The following AP2B1 variants were observed in gnomAD, a reference collection of about 807,000 sequenced individuals.
AP2B1 encodes adaptor related protein complex 2 subunit beta 1.
A neutral mutation model predicts 102.0 loss-of-function variants in AP2B1; 23 were observed. That is an observed-to-expected ratio of 0.23 (90% CI 0.16 to 0.32). The LOEUF is 0.32. Ranked by LOEUF, AP2B1 falls within the 10% of genes least tolerant of loss-of-function variation. The pLI is 1.00. For missense variants in AP2B1, 541 were observed against 1,157.4 expected (o/e 0.47, Z 7.73); for synonymous variants, 381 against 421.2 (o/e 0.90, Z 1.17).
At chr17:35,662,660 T>C (rs901660663) in intron 14 of AP2B1, among the ~76,000 whole-genome samples, 1 of 151,842 alleles carries the variant, frequency 6.6e-6, no homozygotes, top group African/African-American at 2.4e-5. Context: ...CTGATGCCCA[T>C]GTGTATAACT....
chr17:35,607,774 CTTT>C (rs35128360), intron 4 of AP2B1: 39 of 123,538 alleles, frequency 3.2e-4, no homozygotes, highest in South Asian at 7.9e-4. Context: ...TACAGCTCCT[CTTT>C]TTTTTTTTTT....
intron 10 of AP2B1, among the ~76,000 whole-genome samples, chr17:35,637,934 CCT>C (rs1262812912): frequency 6.6e-6 from 1 of 152,126 alleles, no homozygotes; most frequent in East Asian, 1.9e-4. Flanking sequence ...ATCCCCCCCA[CCT>C]CGCCCTCCCA....
At chr17:35,698,050 C>T (rs2076174095) in intron 18 of AP2B1, among the ~76,000 whole-genome samples, 1 of 152,172 alleles carries the variant, frequency 6.6e-6, no homozygotes, top group African/African-American at 2.4e-5. Flanking sequence ...GTATTCAAAA[C>T]AGTCTTTTGC....
At chr17:35,618,451 G>A (rs753584217) in intron 5 of AP2B1, among the ~76,000 whole-genome samples, 1 of 152,176 alleles carries the variant, frequency 6.6e-6, no homozygotes, top group Non-Finnish European at 1.5e-5. Context: ...AAAAACTGAA[G>A]CATAAATCTG....
intron 20 of AP2B1, among the ~76,000 whole-genome samples, chr17:35,711,705 T>G (rs2076455442): frequency 6.6e-6 from 1 of 152,204 alleles, no homozygotes; most frequent in Admixed American, 6.5e-5. Flanking sequence ...TCTCCTGACC[T>G]TGTGATCCGC....
chr17:35,657,486 C>T, intron 13 of AP2B1, 113 bp from the exon 14 acceptor site: 1 of 695,188 alleles, frequency 1.4e-6, no homozygotes, highest in Non-Finnish European at 2.2e-6. Context: ...AGAGTTTTTC[C>T]CCCTTGTATT....
Position 35,710,215 on chromosome 17 carries a change from C to T in AP2B1, c.2540-19C>T, listed in dbSNP as rs1555586829. ...ACAGCTTATGCACATCCATCCTTCC[C>T]CTCTGCTTTCCCATACAGAGCGCCA... On this transcript the variant is annotated intron_variant, in intron 19 of 21. Transcript: ENST00000610402. 1.9e-6 allele frequency: 3 copies of T among 1,569,166 alleles called. No homozygotes were observed. Among genetic ancestry groups the T allele is most frequent in the Admixed American group, 1.7e-5 (1 of 59,898 alleles).
At chr17:35,619,026 G>T (rs1435385080) in intron 5 of AP2B1, among the ~76,000 whole-genome samples, 1 of 152,008 alleles carries the variant, frequency 6.6e-6, no homozygotes, top group Non-Finnish European at 1.5e-5. Context: ...CCTTCCCTTG[G>T]TTGAAGTTCA....
intron 18 of AP2B1, among the ~76,000 whole-genome samples, chr17:35,691,433 G>A (rs951631200): frequency 1.4e-4 from 21 of 152,178 alleles, no homozygotes; most frequent in Admixed American, 9.8e-4. Flanking sequence ...GCTTCCAAGC[G>A]GAAGACCTTT....
intron 14 of AP2B1, among the ~76,000 whole-genome samples, chr17:35,670,234 C>A (rs1478901042): frequency 6.6e-6 from 1 of 152,166 alleles, no homozygotes; most frequent in Non-Finnish European, 1.5e-5. Context: ...GCATGCTTCC[C>A]CACTTCCTCC....
chr17:35,612,587 C>G (rs1011273710), intron 5 of AP2B1, among the ~76,000 whole-genome samples: 1 of 152,172 alleles, frequency 6.6e-6, no homozygotes, highest in African/African-American at 2.4e-5. Flanking sequence ...CTTTTACTTA[C>G]AATGTTTCAC....
At chr17:35,650,003 G>A (rs1314726340) in intron 12 of AP2B1, among the ~76,000 whole-genome samples, 2 of 151,866 alleles carry the variant, frequency 1.3e-5, no homozygotes, top group Non-Finnish European at 2.9e-5. Flanking sequence ...AGGCTGGAGT[G>A]CAGTAGCGTG....
In AP2B1 at chr17:35,710,754, G is replaced by C. The variant is rs182191046; in HGVS notation, c.2626+434G>C. Among the ~76,000 whole-genome samples, 474 of 152,260 alleles carry C rather than the reference G, an allele frequency of 3.1e-3. 2 individuals are homozygous for C. Among genetic ancestry groups the C allele is most frequent in the African/African-American group, 0.011 (448 of 41,546 alleles). ...GTACTTAGAACCCTGTGTTTATAATGAAATAATGTATCATCATTAGTGAAA... is the reference window on the plus strand; with the variant it reads ...GTACTTAGAACCCTGTGTTTATAATCAAATAATGTATCATCATTAGTGAAA... On this transcript the variant is annotated intron_variant, in intron 20 of 21. Coordinates refer to ENST00000610402, the MANE Select transcript of AP2B1 (RefSeq NM_001030006.2).
Position 35,608,207 on chromosome 17 carries a change from A to T in AP2B1, c.345A>T (p.Val115=). ...TCAGAACCATGGGGTGCATCCGGGT[A>T]GACAAAATTACAGAATATCTCTGTG... The part of the protein sequence containing the change: ...LAVRTMGCIR[V]DKITEYLCEP... Residue 115 remains valine, a synonymous_variant, in exon 5 of 22, where the codon GTA becomes GTT. Coordinates refer to ENST00000610402, the MANE Select transcript of AP2B1 (RefSeq NM_001030006.2). 1 of 1,614,170 alleles carries T rather than the reference A, an allele frequency of 6.2e-7. No individual in the cohort carries two copies. The highest frequency in any genetic ancestry group is 8.5e-7 in the Non-Finnish European group (1 of 1,180,040).
rs139393271 is a variant in AP2B1 at position 35,615,484 on chromosome 17, A to C, written c.525+7097A>C. Among the ~76,000 whole-genome samples the C allele has an allele frequency of 8.5e-3, 1,293 of 152,308 alleles. 11 individuals carry two copies. Among genetic ancestry groups the C allele is most frequent in the African/African-American group, 0.026 (1,069 of 41,552 alleles). On this transcript the variant is annotated intron_variant, in intron 5 of 21. Coordinates refer to ENST00000610402, the MANE Select transcript of AP2B1 (RefSeq NM_001030006.2). ...CAACCTAAGATGATAAAATATTGAA[A>C]AAATGCCATCTGTCTAGATCTCTTT...
At chr17:35,680,197 C>T (rs942115855) in intron 17 of AP2B1, among the ~76,000 whole-genome samples, 3 of 152,060 alleles carry the variant, frequency 2.0e-5, no homozygotes, top group Non-Finnish European at 2.9e-5. Flanking sequence ...CGTGAGCCAC[C>T]GCACCAGCCT....
intron 9 of AP2B1, among the ~76,000 whole-genome samples, chr17:35,634,341 A>G (rs535764956): frequency 5.8e-4 from 88 of 152,180 alleles, no homozygotes; most frequent in African/African-American, 2.0e-3. Flanking sequence ...AGGCTTGGTA[A>G]TTTTCTTGTT....
At chr17:35,722,598 T>C (rs942457696) in intron 21 of AP2B1, among the ~76,000 whole-genome samples, 3 of 111,966 alleles carry the variant, frequency 2.7e-5, no homozygotes, top group Non-Finnish European at 5.9e-5. Flanking sequence ...TATTCAAAGA[T>C]AGTCTCACTT....
intron 5 of AP2B1, among the ~76,000 whole-genome samples, chr17:35,610,306 C>T (rs2073819999): frequency 6.6e-6 from 1 of 151,950 alleles, no homozygotes; most frequent in Admixed American, 6.6e-5. Flanking sequence ...CACTACCATG[C>T]CCGGCTAATT....
Sources: allele counts gnomAD v4.1 joint callset (sites outside exome capture counted in the v4.1 genomes callset), GRCh38; gene constraint gnomAD v4.1.1; transcripts MANE v1.5; gene names NCBI Gene and HGNC (gene_info 2026-07-23, HGNC 2026-07-21).